Variants in VPS13B observed in about 807,000 individuals in gnomAD.
The protein encoded by VPS13B is vacuolar protein sorting 13 homolog B.
VPS13B carries 285 observed loss-of-function variants against 426.4 expected under a neutral mutation model. The ratio of observed to expected loss-of-function variants is 0.67; its 90% CI spans 0.61 to 0.74. VPS13B has a LOEUF of 0.74. Ranked by LOEUF, VPS13B falls within the 30% of genes least tolerant of loss-of-function variation. VPS13B has a pLI of 0.00. For missense variants in VPS13B, 4,537 were observed against 4,782.6 expected, an observed-to-expected ratio of 0.95 and a Z score of 1.51; for synonymous variants, 1,676 against 1,676.4, an observed-to-expected ratio of 1.00 and a Z score of 0.01.
intron 21 of VPS13B, among the ~76,000 whole-genome samples, chr8:99,415,957 A>G (rs1815977213): frequency 6.6e-6 from 1 of 152,206 alleles, no homozygotes; most frequent in African/African-American, 2.4e-5. Context: ...TGGGAGATCC[A>G]CTGCTCTCTT....
chr8:99,604,423 A>G (rs1469682706), intron 33 of VPS13B, among the ~76,000 whole-genome samples: 1 of 151,046 alleles, frequency 6.6e-6, no homozygotes, highest in Non-Finnish European at 1.5e-5. Flanking sequence ...ATCATCCTGG[A>G]TACCACATTA....
chr8:99,595,432 G>A (rs916142970), intron 33 of VPS13B, among the ~76,000 whole-genome samples: 10 of 151,814 alleles, frequency 6.6e-5, no homozygotes, highest in African/African-American at 2.4e-4. Context: ...CCATGCAAAA[G>A]AATGAAGGAA....
At position 99,422,934 on chromosome 8, in the gene VPS13B, A is replaced by G. The variant is rs180780815; in HGVS notation, c.3083-8603A>G. 1.2e-3 allele frequency among the ~76,000 whole-genome samples: 178 copies of G among 152,302 alleles called. 1 individual carries two copies. Among genetic ancestry groups the G allele is most frequent in the Non-Finnish European group, 8.4e-4 (57 of 68,016 alleles). Reference sequence around the variant, plus strand: ...AAAACATATTTGGATGATACCACACATATGTTTGAGTTTTTTCACTTCGTA... The same window carrying G: ...AAAACATATTTGGATGATACCACACGTATGTTTGAGTTTTTTCACTTCGTA... On this transcript the variant is annotated intron_variant, in intron 21 of 61. Transcript: ENST00000357162.
intron 15 of VPS13B, among the ~76,000 whole-genome samples, chr8:99,163,110 C>T (rs868259264): frequency 4.3e-4 from 66 of 152,168 alleles, no homozygotes; most frequent in African/African-American, 1.3e-3. Context: ...GGTGTGTTTA[C>T]AAACCTTGAG....
chr8:99,573,266 A>G (rs1296089885), intron 31 of VPS13B, among the ~76,000 whole-genome samples: 2 of 152,076 alleles, frequency 1.3e-5, no homozygotes, highest in Non-Finnish European at 1.5e-5. Context: ...TCACTCTGAT[A>G]GTAGTTTCTT....
At chr8:99,517,453 T>A (rs1252581668) in intron 29 of VPS13B, among the ~76,000 whole-genome samples, 1 of 152,194 alleles carries the variant, frequency 6.6e-6, no homozygotes, top group Non-Finnish European at 1.5e-5. Context: ...TTCAGGCTTA[T>A]AATATACGCT....
chr8:99,561,328 G>C (rs768433228), intron 31 of VPS13B, among the ~76,000 whole-genome samples: 1 of 151,980 alleles, frequency 6.6e-6, no homozygotes, highest in South Asian at 2.1e-4. Flanking sequence ...TTTTATATCT[G>C]GCCTCTTTCA....
intron 28 of VPS13B, chr8:99,507,938 C>T: frequency 1.2e-6 from 2 of 1,613,838 alleles, no homozygotes; most frequent in East Asian, 2.2e-5. Flanking sequence ...AATTATGCTA[C>T]ACAACTCCCA....
chr8:99,173,030 C>G (rs889492846), intron 16 of VPS13B, among the ~76,000 whole-genome samples: 10 of 152,212 alleles, frequency 6.6e-5, no homozygotes, highest in Admixed American at 6.5e-4. Flanking sequence ...TTATATATAT[C>G]ATGAGGCATT....
At chr8:99,124,480 T>C (rs1360380328) in intron 8 of VPS13B, among the ~76,000 whole-genome samples, 1 of 152,188 alleles carries the variant, frequency 6.6e-6, no homozygotes, top group Non-Finnish European at 1.5e-5. Flanking sequence ...ATGTTCACAG[T>C]AGCACTATTC....
chr8:99,358,032 A>C (rs1244595873), intron 19 of VPS13B, among the ~76,000 whole-genome samples: 2 of 151,426 alleles, frequency 1.3e-5, no homozygotes, highest in Non-Finnish European at 2.9e-5. Context: ...ACACACACAC[A>C]CACCACACAC....
intron 21 of VPS13B, among the ~76,000 whole-genome samples, chr8:99,404,074 G>T (rs3105184): frequency 0.26 from 39,368 of 152,044 alleles, 5,759 homozygotes; most frequent in East Asian, 0.43. Context: ...TTAGCACAAT[G>T]TATTAATTTT....
chr8:99,669,315 A>G (rs1244312555), intron 35 of VPS13B, among the ~76,000 whole-genome samples: 1 of 152,132 alleles, frequency 6.6e-6, no homozygotes, highest in Non-Finnish European at 1.5e-5. Context: ...AGAACTGGAA[A>G]TGGTGCAGAT....
At chr8:99,843,172 T>C (rs571878381) in intron 54 of VPS13B, among the ~76,000 whole-genome samples, 100 of 152,106 alleles carry the variant, frequency 6.6e-4, no homozygotes, top group Non-Finnish European at 1.2e-3. Flanking sequence ...AAAATAAATA[T>C]GATAGTGTCT....
chr8:99,743,153 A>G (rs1037159590), intron 39 of VPS13B, among the ~76,000 whole-genome samples: 1 of 152,354 alleles, frequency 6.6e-6, no homozygotes, highest in Non-Finnish European at 1.5e-5. Context: ...TCACTGTGCA[A>G]AAATCACAAG....
chr8:99,573,423 A>C (rs553774937), intron 31 of VPS13B, among the ~76,000 whole-genome samples: 13 of 152,256 alleles, frequency 8.5e-5, no homozygotes, highest in African/African-American at 3.1e-4. Flanking sequence ...TAGGGTTTTT[A>C]TGGTTTTAGG....
At position 99,580,494 on chromosome 8, in the gene VPS13B, A is replaced by G. The variant is rs968313288; in HGVS notation, c.5220+2861A>G. On this transcript the variant is annotated intron_variant, in intron 33 of 61. Coordinates refer to ENST00000357162, the MANE Select transcript of VPS13B (RefSeq NM_152564.5). ...AGGTGTGAGCCACCACACCTGGCCT[A>G]ATGTAGTATATTTTTTGAAGGTGTT... 6.6e-5 allele frequency among the ~76,000 whole-genome samples: 10 copies of G among 151,688 alleles called. No individual in the cohort carries two copies. The South Asian group carries it at 1.0e-3, about 16-fold the overall frequency.
At chr8:99,238,090 A>G (rs531171512) in intron 17 of VPS13B, among the ~76,000 whole-genome samples, 12 of 152,040 alleles carry the variant, frequency 7.9e-5, no homozygotes, top group South Asian at 6.2e-4. Flanking sequence ...CTCTACCCTC[A>G]TCCTCTTATC....
chr8:99,312,373 A>G (rs1250769701), intron 19 of VPS13B, among the ~76,000 whole-genome samples: 3 of 152,144 alleles, frequency 2.0e-5, no homozygotes, highest in African/African-American at 4.8e-5. Flanking sequence ...GGTGGTGACA[A>G]AATCTCTCAG....
Sources: gnomAD v4.1 joint callset for allele counts (sites outside exome capture counted in the v4.1 genomes callset) on GRCh38, gnomAD v4.1.1 for gene constraint, MANE v1.5 for transcripts, NCBI Gene and HGNC (gene_info 2026-07-23, HGNC 2026-07-21) for gene names.